The following KLRB1 variants were observed in gnomAD, a reference collection of about 807,000 sequenced individuals.
KLRB1 encodes the protein killer cell lectin-like receptor subfamily B member 1.
In KLRB1, 27 loss-of-function variants were observed where a neutral mutation model predicts 33.5. The ratio of observed to expected loss-of-function variants is 0.81; its 90% CI spans 0.59 to 1.11. The LOEUF is 1.11. KLRB1 is among the 50% of genes most tolerant of loss of function. The pLI, the probability that KLRB1 is intolerant of heterozygous loss-of-function variation, is 0.00. For missense variants in KLRB1, 241 were observed against 254.1 expected (o/e 0.95, Z 0.35); for synonymous variants, 64 against 88.9 (o/e 0.72, Z 1.58).
intron 1 of KLRB1, among the ~76,000 whole-genome samples, chr12:9,606,061 C>T (rs901333845): frequency 7.9e-5 from 12 of 151,972 alleles, no homozygotes; most frequent in Non-Finnish European, 1.5e-5. Flanking sequence ...TTATTAGAAC[C>T]CTCTGATTTC....
intron 3 of KLRB1, among the ~76,000 whole-genome samples, chr12:9,599,065 A>T (rs1416176145): frequency 6.6e-6 from 1 of 152,226 alleles, no homozygotes; most frequent in Non-Finnish European, 1.5e-5. Flanking sequence ...TATAAAACTC[A>T]TGTAAAAAGT....
In KLRB1 at chr12:9,607,900, G is replaced by T. The variant is rs982372963; in HGVS notation, c.-61C>A. 5 of 1,129,428 alleles carry T rather than the reference G, an allele frequency of 4.4e-6. No homozygotes were observed. Among genetic ancestry groups the T allele is most frequent in the African/African-American group, 3.0e-5 (2 of 65,630 alleles). 70.0% of individuals were successfully genotyped at this position (1,129,428 alleles called of 1,614,324 possible). A position where few individuals can be genotyped will look rare whatever the true frequency, so the allele number is the denominator to read the frequency against. On this transcript the variant is annotated 5_prime_UTR_variant, in exon 1 of 6. Coordinates refer to ENST00000229402, the MANE Select transcript of KLRB1 (RefSeq NM_002258.3). Reference sequence around the variant, plus strand: ...AAGAACAAACTCTCAATTCTGTGAGGCAAAATCAGCAAAAGGAAGCTTTCT... The same window carrying T: ...AAGAACAAACTCTCAATTCTGTGAGTCAAAATCAGCAAAAGGAAGCTTTCT...
At chr12:9,599,964 AGTATTAGCG>A in intron 2 of KLRB1, 123 bp from the exon 3 acceptor site, 1 of 590,344 alleles carries the variant, frequency 1.7e-6, no homozygotes, top group Non-Finnish European at 2.9e-6. Flanking sequence ...AGAAAATAAA[AGTATTAGCG>A]AAGTGGTAAA....
intron 3 of KLRB1, 108 bp downstream of exon 3, chr12:9,599,656 AATG>A: frequency 1.3e-6 from 1 of 781,072 alleles, no homozygotes; most frequent in Non-Finnish European, 2.2e-6. Context: ...AGAAAAGCAG[AATG>A]ATAAGAATAT....
chr12:9,599,796 T>C lies in KLRB1; in HGVS notation c.230A>G (p.Asp77Gly). 1 of 1,605,992 alleles carries C rather than the reference T, an allele frequency of 6.2e-7. No homozygotes were observed. The highest frequency in any genetic ancestry group is 8.5e-7 in the Non-Finnish European group (1 of 1,172,848). ...TGTTTTATTCCTGCTCTGTTGAATGTCCACACTGCATTTTTCTATTGATGA... is the reference window on the plus strand; with the variant it reads ...TGTTTTATTCCTGCTCTGTTGAATGCCCACACTGCATTTTTCTATTGATGA... Reference protein sequence around the residue: ...QKSSIEKCSVDIQQSRNKTTE... With the variant: ...QKSSIEKCSVGIQQSRNKTTE... Residue 77 changes from aspartate to glycine, a missense_variant, in exon 3 of 6, where the codon GAC (aspartate) becomes GGC (glycine). Coordinates refer to ENST00000229402, the MANE Select transcript of KLRB1 (RefSeq NM_002258.3).
At chr12:9,595,515 T>C (rs2120704288) in intron 5 of KLRB1, 94 bp from the exon 6 acceptor site, 1 of 1,161,778 alleles carries the variant, frequency 8.6e-7, no homozygotes, top group East Asian at 2.3e-5. Flanking sequence ...CAGGAAGCAG[T>C]AGAATGATAA....
intron 1 of KLRB1, chr12:9,607,543 A>G: frequency 2.1e-6 from 1 of 484,314 alleles, no homozygotes; most frequent in East Asian, 3.8e-5. Context: ...TTTGCTTTTC[A>G]TGCTAACTTG....
intron 4 of KLRB1, 52 bp downstream of exon 4, chr12:9,598,447 T>C (rs1473890477): frequency 2.0e-6 from 3 of 1,509,620 alleles, no homozygotes; most frequent in East Asian, 4.5e-5. Context: ...GACATTAATA[T>C]GGTTTAAAGA....
intron 1 of KLRB1, among the ~76,000 whole-genome samples, chr12:9,602,908 C>G (rs1016655325): frequency 6.6e-6 from 1 of 152,122 alleles, no homozygotes; most frequent in African/African-American, 2.4e-5. Context: ...GTTGTGCAGT[C>G]CAGTTTGCAG....
In KLRB1 at chr12:9,607,355, C is replaced by CCTTTCTTTCTTTCTTT. The variant is rs1184053974; in HGVS notation, c.85+384_85+399dup. Among the ~76,000 whole-genome samples, 440 of 52,704 alleles carry CCTTTCTTTCTTTCTTT rather than the reference C, an allele frequency of 8.3e-3. 19 individuals carry two copies. Among genetic ancestry groups the CCTTTCTTTCTTTCTTT allele is most frequent in the East Asian group, 0.028 (28 of 992 alleles). 34.6% of individuals were successfully genotyped at this position (52,704 alleles called of 152,430 possible). The stretch of plus-strand genomic sequence containing the variant: ...TCTTTCCTTTCTTTCTTTCTTTCTT[C>CCTTTCTTTCTTTCTTT]CTTTCTTTCTTTCTTTCTTTCTTTC... On this transcript the variant is annotated intron_variant, in intron 1 of 5. Coordinates refer to ENST00000229402, the MANE Select transcript of KLRB1 (RefSeq NM_002258.3).
At chr12:9,606,740 A>T (rs1318600484) in intron 1 of KLRB1, among the ~76,000 whole-genome samples, 6 of 20,310 alleles carry the variant, frequency 3.0e-4, no homozygotes, top group African/African-American at 4.9e-4. Flanking sequence ...AAAAGTATAT[A>T]TATATATATA....
chr12:9,603,417 A>ATT (rs1864565192), intron 1 of KLRB1, among the ~76,000 whole-genome samples: 1 of 144,752 alleles, frequency 6.9e-6, no homozygotes, highest in African/African-American at 2.5e-5. Context: ...TTAAGTGTTA[A>ATT]CTTAATTCTA....
At chr12:9,607,711 C>T in intron 1 of KLRB1, 44 bp downstream of exon 1, 4 of 1,238,146 alleles carry the variant, frequency 3.2e-6, no homozygotes, top group Non-Finnish European at 4.8e-6. Flanking sequence ...AGATCTAATT[C>T]TGGAAGACAT....
At chr12:9,604,014 AGTT>A (rs1400203973) in intron 1 of KLRB1, among the ~76,000 whole-genome samples, 1 of 150,084 alleles carries the variant, frequency 6.7e-6, no homozygotes, top group Admixed American at 6.6e-5. Context: ...TTTTTCTAAA[AGTT>A]GTTTTTTTTT....
chr12:9,599,735 T>C lies in KLRB1; in HGVS notation c.259+32A>G, dbSNP rs761130973. The C allele has an allele frequency of 2.7e-5, 35 of 1,306,200 alleles. No homozygotes were observed. The South Asian group carries it at 3.9e-4, about 15-fold the overall frequency. The allele number at this position is 1,306,200 out of a possible 1,614,324, so 80.9% of individuals were successfully genotyped here. ...CATGAAATCTACCAAATATTAACAG[T>C]TATTCTTAGGAAATTGAAGCCACAC... On this transcript the variant is annotated intron_variant, in intron 3 of 5. Transcript: ENST00000229402.
intron 1 of KLRB1, among the ~76,000 whole-genome samples, chr12:9,602,876 G>T (rs1224166633): frequency 6.6e-6 from 1 of 152,008 alleles, no homozygotes; most frequent in African/African-American, 2.4e-5. Flanking sequence ...ACTTTTAATG[G>T]TACAGTATCC....
intron 1 of KLRB1, among the ~76,000 whole-genome samples, chr12:9,606,743 TATATATATATATA>T: frequency 3.4e-5 from 1 of 29,564 alleles, no homozygotes; most frequent in African/African-American, 1.5e-4. Flanking sequence ...AGTATATATA[TATATATATATATA>T]TATATTTTTT....
chr12:9,604,497 T>G (rs1334376469), intron 1 of KLRB1, among the ~76,000 whole-genome samples: 1 of 152,112 alleles, frequency 6.6e-6, no homozygotes, highest in African/African-American at 2.4e-5. Context: ...GGTTTCACAT[T>G]TTGCCCTCAC....
chr12:9,597,147 T>G (rs1190326874), intron 5 of KLRB1, among the ~76,000 whole-genome samples: 1 of 152,196 alleles, frequency 6.6e-6, no homozygotes, highest in Non-Finnish European at 1.5e-5. Context: ...TAGACAAACT[T>G]AAAACATTCT....
Sources: gnomAD v4.1 joint callset for allele counts (sites outside exome capture counted in the v4.1 genomes callset) on GRCh38, gnomAD v4.1.1 for gene constraint, MANE v1.5 for transcripts, NCBI Gene and HGNC (gene_info 2026-07-23, HGNC 2026-07-21) for gene names.